Variants in DLG2 observed in about 807,000 individuals in gnomAD.
DLG2 encodes the protein discs large MAGUK scaffold protein 2.
DLG2 carries 45 observed loss-of-function variants against 132.5 expected under a neutral mutation model. The observed-to-expected ratio is 0.34, with a 90% CI of 0.27 to 0.44. The LOEUF (loss-of-function observed/expected upper bound fraction) is 0.44. Among genes scored for constraint, DLG2 ranks in the 20% least tolerant of loss-of-function variants. The pLI is 1.00. For synonymous variants in DLG2, 424 were observed against 419.6 expected, an observed-to-expected ratio of 1.01 and a Z score of -0.13; for missense variants, 1,045 against 1,196.9, an observed-to-expected ratio of 0.87 and a Z score of 1.87.
intron 4 of DLG2, among the ~76,000 whole-genome samples, chr11:85,166,854 T>C (rs1255454532): frequency 2.6e-5 from 4 of 152,164 alleles, no homozygotes; most frequent in Admixed American, 6.6e-5. Flanking sequence ...TATGGACAAA[T>C]ATTTGCCAAC....
At chr11:84,177,982 T>C (rs192764783) in intron 8 of DLG2, among the ~76,000 whole-genome samples, 96 of 140,798 alleles carry the variant, frequency 6.8e-4, no homozygotes, top group Non-Finnish European at 1.2e-3. Flanking sequence ...TAAAGACATA[T>C]AGCAAGTTAA....
At chr11:85,582,328 G>A (rs1204459537) in intron 3 of DLG2, among the ~76,000 whole-genome samples, 1 of 152,076 alleles carries the variant, frequency 6.6e-6, no homozygotes, top group Non-Finnish European at 1.5e-5. Flanking sequence ...TGGTCAGAGA[G>A]TGGGACGTTT....
chr11:84,470,364 G>A (rs1011292170), intron 7 of DLG2, among the ~76,000 whole-genome samples: 1 of 151,700 alleles, frequency 6.6e-6, no homozygotes, highest in Non-Finnish European at 1.5e-5. Flanking sequence ...ATGTTCATAA[G>A]AACTTTTTCC....
chr11:85,197,730 G>A (rs2081172847), intron 4 of DLG2, among the ~76,000 whole-genome samples: 1 of 152,108 alleles, frequency 6.6e-6, no homozygotes, highest in Non-Finnish European at 1.5e-5. Context: ...GAGGACCTAA[G>A]CACTGAACCA....
At chr11:83,774,015 T>C (rs1192954945) in intron 18 of DLG2, among the ~76,000 whole-genome samples, 1 of 152,164 alleles carries the variant, frequency 6.6e-6, no homozygotes, top group African/African-American at 2.4e-5. Context: ...AGACCAAACA[T>C]GAAAAACAAA....
chr11:84,173,095 T>C (rs1476347897), intron 8 of DLG2, among the ~76,000 whole-genome samples: 1 of 152,206 alleles, frequency 6.6e-6, no homozygotes, highest in Non-Finnish European at 1.5e-5. Flanking sequence ...ATAATCATTT[T>C]CTATATACAA....
At chr11:83,731,687 GT>G in intron 18 of DLG2, among the ~76,000 whole-genome samples, 2 of 152,174 alleles carry the variant, frequency 1.3e-5, no homozygotes, top group Admixed American at 1.3e-4. Context: ...GATATTTCTG[GT>G]TCTAGATCCT....
At chr11:83,998,846 G>A (rs1357865310) in intron 11 of DLG2, among the ~76,000 whole-genome samples, 1 of 152,132 alleles carries the variant, frequency 6.6e-6, no homozygotes, top group African/African-American at 2.4e-5. Flanking sequence ...GAGAATTGTG[G>A]ACTGTAATCC....
At chr11:84,526,493 G>A (rs1328226789) in intron 7 of DLG2, among the ~76,000 whole-genome samples, 1 of 152,144 alleles carries the variant, frequency 6.6e-6, no homozygotes, top group African/African-American at 2.4e-5. Flanking sequence ...CCTGATCTTA[G>A]GTTGCACTTT....
intron 3 of DLG2, among the ~76,000 whole-genome samples, chr11:85,294,881 A>G (rs981367015): frequency 7.2e-5 from 11 of 152,170 alleles, no homozygotes; most frequent in South Asian, 2.1e-4. Context: ...CAGAGATGCA[A>G]TAAGATGTGC....
intron 6 of DLG2, among the ~76,000 whole-genome samples, chr11:84,608,221 C>A (rs1041567089): frequency 6.6e-6 from 1 of 152,130 alleles, no homozygotes; most frequent in Non-Finnish European, 1.5e-5. Flanking sequence ...ACATGTGGCC[C>A]AACTCATTCA....
In DLG2 at chr11:85,555,098, CT is replaced by C. The variant is rs1452611003; in HGVS notation, c.40+43558del. ...TTGGCTGCCTCATGATAATTAAACT[CT>C]ACTGCAATAACACTGTCTCAAGTGC... On this transcript the variant is annotated intron_variant, in intron 3 of 27. Coordinates refer to ENST00000376104, the MANE Select transcript of DLG2 (RefSeq NM_001142699.3). Among the ~76,000 whole-genome samples the C allele has an allele frequency of 3.3e-5, 5 of 151,808 alleles. 1 individual carries two copies. Among genetic ancestry groups the C allele is most frequent in the Non-Finnish European group, 7.4e-5 (5 of 67,872 alleles).
chr11:85,541,885 T>G (rs892488042), intron 3 of DLG2, among the ~76,000 whole-genome samples: 1 of 152,196 alleles, frequency 6.6e-6, no homozygotes. Context: ...TTAATTCAAA[T>G]GCAAATGGAA....
intron 3 of DLG2, among the ~76,000 whole-genome samples, chr11:85,348,840 ATATCT>A (rs2083064278): frequency 3.3e-5 from 5 of 152,232 alleles, no homozygotes; most frequent in Admixed American, 3.3e-4. Flanking sequence ...CCCCATTAGT[ATATCT>A]TGATTCACAC....
At chr11:84,430,419 C>T (rs1454892622) in intron 7 of DLG2, among the ~76,000 whole-genome samples, 1 of 132,458 alleles carries the variant, frequency 7.5e-6, no homozygotes, top group Non-Finnish European at 1.5e-5. Context: ...AGCCTGGCAA[C>T]AGAGGGAGAC....
chr11:85,418,495 C>G (rs1025316489), intron 3 of DLG2, among the ~76,000 whole-genome samples: 2 of 151,990 alleles, frequency 1.3e-5, no homozygotes, highest in Non-Finnish European at 2.9e-5. Context: ...CCTGAATATC[C>G]CTGTTAATTT....
intron 7 of DLG2, among the ~76,000 whole-genome samples, chr11:84,380,676 GA>G (rs994228856): frequency 5.9e-5 from 9 of 151,492 alleles, no homozygotes; most frequent in Non-Finnish European, 7.4e-5. Context: ...ATGTTAGGGG[GA>G]AAAAAATAAA....
intron 3 of DLG2, chr11:85,452,944 CT>C: frequency 4.7e-6 from 1 of 212,660 alleles, no homozygotes. Context: ...AAGGTCATGC[CT>C]TTAGCAGAGA....
At chr11:84,576,999 G>T (rs1396267167) in intron 6 of DLG2, among the ~76,000 whole-genome samples, 1 of 152,052 alleles carries the variant, frequency 6.6e-6, no homozygotes, top group East Asian at 1.9e-4. Flanking sequence ...TGAATCATGG[G>T]GCCAGTCTTT....
Sources: allele counts gnomAD v4.1 joint callset (sites outside exome capture counted in the v4.1 genomes callset), GRCh38; gene constraint gnomAD v4.1.1; transcripts MANE v1.5; gene names NCBI Gene and HGNC (gene_info 2026-07-23, HGNC 2026-07-21).